The following ATAD2 variants were observed in gnomAD, a reference collection of about 807,000 sequenced individuals.
ATAD2 encodes the protein ATPase family AAA domain-containing protein 2.
ATAD2 carries 62 observed loss-of-function variants against 168.9 expected under a neutral mutation model. The ratio of observed to expected loss-of-function variants is 0.37; its 90% CI spans 0.30 to 0.45. The LOEUF (loss-of-function observed/expected upper bound fraction) is 0.45. ATAD2 is among the 20% of genes least tolerant of loss of function. ATAD2 has a pLI of 1.00. For missense variants in ATAD2, 1,419 were observed against 1,667.8 expected (o/e 0.85, Z 2.60); for synonymous variants, 613 against 571.6 (o/e 1.07, Z -1.03).
chr8:123,394,539 G>A (rs774363316), intron 1 of ATAD2, among the ~76,000 whole-genome samples: 1 of 152,048 alleles, frequency 6.6e-6, no homozygotes, highest in Non-Finnish European at 1.5e-5. Flanking sequence ...TGAGGCAGGA[G>A]AACTGCTTGA....
chr8:123,410,762 C>T lies in ATAD2; in HGVS notation c.-2282+5486G>A, dbSNP rs554557479. Among the ~76,000 whole-genome samples, 108 of 152,284 alleles carry T rather than the reference C, an allele frequency of 7.1e-4. 1 individual carries two copies. The highest frequency in any genetic ancestry group is 2.0e-3 in the African/African-American group (84 of 41,562). Reference sequence around the variant, plus strand: ...CGGCTCAAGCTGAGCTTTCGCTCGCCGTCCACCACTGCTGTTTGCTGCCGT... The same window carrying T: ...CGGCTCAAGCTGAGCTTTCGCTCGCTGTCCACCACTGCTGTTTGCTGCCGT... On this transcript the variant is annotated intron_variant, in intron 1 of 28. Coordinates refer to the ATAD2 transcript ENST00000521903.
intron 22 of ATAD2, among the ~76,000 whole-genome samples, chr8:123,335,820 G>A (rs1432479335): frequency 6.6e-6 from 1 of 152,096 alleles, no homozygotes; most frequent in Non-Finnish European, 1.5e-5. Flanking sequence ...TATATTAATA[G>A]ATGCGATAGG....
At chr8:123,339,603 CCAT>C in intron 19 of ATAD2, among the ~76,000 whole-genome samples, 157 bp from the exon 20 acceptor site, 1 of 152,108 alleles carries the variant, frequency 6.6e-6, no homozygotes, top group South Asian at 2.1e-4. Flanking sequence ...CCAAATAAAC[CCAT>C]CATATGTCAA....
chr8:123,402,741 C>G lies in ATAD2; in HGVS notation c.-2281-1566G>C, dbSNP rs1027177730. Among the ~76,000 whole-genome samples, 4 of 152,112 alleles carry G rather than the reference C, an allele frequency of 2.6e-5. No homozygotes were observed. Among genetic ancestry groups the G allele is most frequent in the African/African-American group, 9.7e-5 (4 of 41,416 alleles). On this transcript the variant is annotated intron_variant, in intron 1 of 28. Transcript: ENST00000521903. This position sits in a 1 kb window ranked among gnomAD's most constrained non-coding sequence, Gnocchi z 4.8. ...CCTCAGCTGTAGTTGAAGGCTTTAA[C>G]TTTGCACACTTTGGGATCATAGTTG...
At chr8:123,321,987 C>CTTTTTTTTTTT (rs869048943) in intron 27 of ATAD2, among the ~76,000 whole-genome samples, 2 of 136,486 alleles carry the variant, frequency 1.5e-5, no homozygotes, top group African/African-American at 5.7e-5. Flanking sequence ...GTACATAAGT[C>CTTTTTTTTTTT]TTTTTTTTTT....
At chr8:123,338,752 A>G (rs1827986583) in intron 20 of ATAD2, among the ~76,000 whole-genome samples, 1 of 152,206 alleles carries the variant, frequency 6.6e-6, no homozygotes, top group South Asian at 2.1e-4. Context: ...ACAAGTATTT[A>G]GCCGGGCATT....
chr8:123,376,277 T>C (rs909489661), intron 2 of ATAD2, among the ~76,000 whole-genome samples: 2 of 149,004 alleles, frequency 1.3e-5, no homozygotes, highest in Admixed American at 6.7e-5. Flanking sequence ...GTGGTGGCGG[T>C]TGCCTGTAAT....
chr8:123,343,236 A>G (rs921247322), intron 19 of ATAD2, among the ~76,000 whole-genome samples: 1 of 152,040 alleles, frequency 6.6e-6, no homozygotes, highest in African/African-American at 2.4e-5. Flanking sequence ...CCGGCCTCCC[A>G]AAGTGCTAGA....
intron 5 of ATAD2, 22 bp from the exon 6 acceptor site, chr8:123,371,012 C>T (rs1172973431): frequency 6.7e-7 from 1 of 1,498,074 alleles, no homozygotes; most frequent in South Asian, 1.2e-5. Flanking sequence ...TAAATAAAAG[C>T]CATTAACATT....
upstream of ATAD2, chr8:123,401,327 C>A: frequency 7.3e-7 from 1 of 1,372,468 alleles, no homozygotes; most frequent in Non-Finnish European, 1.0e-6. Flanking sequence ...GCTGTGGGCA[C>A]CTGTGAGGAT....
rs752521253 is a variant in ATAD2 at position 123,333,987 on chromosome 8, G to A, written c.3369C>T (p.Tyr1123=). ...TGGAATTTTGCTTTGGCATCACATG[G>A]TAGTAAGACGGGGCATATTTGGAGG... ...CSSSKYAPSY[Y]HVMPKQNSTL... Residue 1123 remains tyrosine, a synonymous_variant, in exon 24 of 28, where the codon TAC becomes TAT. Transcript: ENST00000287394. 6.2e-7 allele frequency: 1 copy of A among 1,614,082 alleles called. No individual in the cohort carries two copies. The highest frequency in any genetic ancestry group is 1.1e-5 in the South Asian group (1 of 91,078).
chr8:123,366,268 A>G (rs1007284538), intron 8 of ATAD2, among the ~76,000 whole-genome samples: 6 of 152,178 alleles, frequency 3.9e-5, no homozygotes, highest in African/African-American at 1.4e-4. Context: ...TCAAAAAATA[A>G]TAGATGTTGG....
At chr8:123,408,176 C>G (rs1813093285) in intron 1 of ATAD2, among the ~76,000 whole-genome samples, 1 of 152,188 alleles carries the variant, frequency 6.6e-6, no homozygotes, top group South Asian at 2.1e-4. Context: ...GACATTTTGA[C>G]ATTTGCCATA....
intron 24 of ATAD2, among the ~76,000 whole-genome samples, chr8:123,332,251 CAT>C (rs1243648520): frequency 1.3e-5 from 2 of 152,124 alleles, no homozygotes; most frequent in Admixed American, 6.5e-5. Context: ...AAAATCCACA[CAT>C]ATGTGGACCT....
intron 26 of ATAD2, among the ~76,000 whole-genome samples, chr8:123,324,541 T>C (rs1827553862): frequency 6.6e-6 from 1 of 152,134 alleles, no homozygotes; most frequent in Admixed American, 6.6e-5. Flanking sequence ...TGTGTCAGGG[T>C]GTGGGGTTCC....
intron 17 of ATAD2, 145 bp downstream of exon 17, chr8:123,346,473 G>T: frequency 1.0e-6 from 1 of 998,270 alleles, no homozygotes; most frequent in Admixed American, 3.4e-5. Flanking sequence ...CTACTGTTGT[G>T]ACAACTGTAA....
intron 9 of ATAD2, among the ~76,000 whole-genome samples, chr8:123,361,316 CAA>C (rs60766157): frequency 4.4e-4 from 45 of 102,410 alleles, no homozygotes; most frequent in Admixed American, 6.4e-4. Flanking sequence ...GGCCCTGTCT[CAA>C]AAAAAAAAAA....
At chr8:123,353,370 A>C (rs1828535675) in intron 13 of ATAD2, among the ~76,000 whole-genome samples, 1 of 152,190 alleles carries the variant, frequency 6.6e-6, no homozygotes, top group Non-Finnish European at 1.5e-5. Flanking sequence ...TCACAAAACA[A>C]CAACAACAAC....
intron 14 of ATAD2, among the ~76,000 whole-genome samples, chr8:123,348,954 A>C (rs967092868): frequency 1.3e-5 from 2 of 152,104 alleles, no homozygotes; most frequent in African/African-American, 4.8e-5. Context: ...ACTTAAAAAA[A>C]CTCGGTAGGA....
Sources: gnomAD v4.1 joint callset for allele counts (sites outside exome capture counted in the v4.1 genomes callset) on GRCh38, gnomAD v4.1.1 for gene constraint, Gnocchi (gnomAD v3.1) non-coding constraint, MANE v1.5 for transcripts, NCBI Gene and HGNC (gene_info 2026-07-23, HGNC 2026-07-21) for gene names.